Variants in ADCY3 observed in about 807,000 individuals in gnomAD.
ADCY3 encodes adenylate cyclase 3.
In ADCY3, 70 loss-of-function variants were observed where a neutral mutation model predicts 119.4. The observed-to-expected ratio is 0.59, with a 90% CI of 0.48 to 0.72. ADCY3 has a LOEUF of 0.72. Among genes scored for constraint, ADCY3 ranks in the 30% least tolerant of loss-of-function variants. The pLI is 0.00. For missense variants in ADCY3, 1,238 were observed against 1,541.6 expected, an observed-to-expected ratio of 0.80 and a Z score of 3.30; for synonymous variants, 672 against 621.4, an observed-to-expected ratio of 1.08 and a Z score of -1.21.
intron 20 of ADCY3, 199 bp from the exon 21 acceptor site, chr2:24,821,047 ACC>A (rs3214642): frequency 3.1e-4 from 163 of 532,712 alleles, no homozygotes; most frequent in South Asian, 1.4e-3. Flanking sequence ...GTCAGCCGCC[ACC>A]CCCCCCCCAT....
intron 2 of ADCY3, among the ~76,000 whole-genome samples, chr2:24,905,905 G>A (rs993480680): frequency 4.6e-5 from 7 of 152,200 alleles, no homozygotes; most frequent in African/African-American, 1.4e-4. Flanking sequence ...GAATGACTGT[G>A]ACGCCAGTGC....
intron 8 of ADCY3, 68 bp downstream of exon 8, chr2:24,838,374 TCTC>T: frequency 1.4e-6 from 2 of 1,387,374 alleles, no homozygotes; most frequent in Admixed American, 4.7e-5. Flanking sequence ...CTTTCCTTAA[TCTC>T]CTCCTTTCCA....
At chr2:24,847,517 C>A (rs1386258475) in intron 3 of ADCY3, among the ~76,000 whole-genome samples, 1 of 152,166 alleles carries the variant, frequency 6.6e-6, no homozygotes, top group Non-Finnish European at 1.5e-5. Context: ...CCTGGCTCCA[C>A]CGAAGCCTGG....
intron 2 of ADCY3, among the ~76,000 whole-genome samples, chr2:24,900,344 CA>C (rs112576208): frequency 0.18 from 12,585 of 70,558 alleles, 639 homozygotes; most frequent in African/African-American, 0.21. Context: ...GACTCTGTCT[CA>C]AAAAAAAAAA....
At chr2:24,895,708 C>T (rs1180896272) in intron 2 of ADCY3, among the ~76,000 whole-genome samples, 2 of 151,786 alleles carry the variant, frequency 1.3e-5, no homozygotes, top group African/African-American at 4.8e-5. Context: ...CTCAACACAA[C>T]CTATGCCGTT....
intron 3 of ADCY3, among the ~76,000 whole-genome samples, chr2:24,866,582 A>AAG (rs1553350421): frequency 1.3e-5 from 2 of 150,308 alleles, no homozygotes; most frequent in Non-Finnish European, 3.0e-5. Context: ...AAAAAAAAAA[A>AAG]AAAGAAAAAA....
At chr2:24,891,897 A>G (rs1427845842) in intron 2 of ADCY3, among the ~76,000 whole-genome samples, 1 of 152,212 alleles carries the variant, frequency 6.6e-6, no homozygotes, top group Non-Finnish European at 1.5e-5. Context: ...ATAGATACGT[A>G]TATATAGGAA....
At chr2:24,825,335 GGGGGGGGGGGGGGTGC>G (rs1183506681) in intron 16 of ADCY3, among the ~76,000 whole-genome samples, 2 of 10,158 alleles carry the variant, frequency 2.0e-4, no homozygotes, top group Non-Finnish European at 5.1e-4. Flanking sequence ...TGGTTGTGGC[GGGGGGGGGGGGGGTGC>G]GGGGGGGGTG....
rs566028154 is a variant in ADCY3 at position 24,892,581 on chromosome 2, T to C, written c.676-19862A>G. On this transcript the variant is annotated intron_variant, in intron 2 of 21. Transcript: ENST00000679454. ...GTATTGAGTCTTGTTTTGTAACAGG[T>C]TGTGTGTCTTTGAGAACATTTCAGT... Among the ~76,000 whole-genome samples the C allele has an allele frequency of 3.9e-5, 6 of 152,158 alleles. No homozygotes were observed. In the South Asian group the frequency reaches 1.2e-3, roughly 32 times the overall value.
intron 2 of ADCY3, among the ~76,000 whole-genome samples, chr2:24,902,196 TCA>T (rs1418188171): frequency 6.6e-6 from 1 of 151,106 alleles, no homozygotes; most frequent in Non-Finnish European, 1.5e-5. Flanking sequence ...TCCTCCTGCC[TCA>T]GTCTCCCTAG....
chr2:24,876,914 C>T (rs1487978598), intron 2 of ADCY3, among the ~76,000 whole-genome samples: 2 of 152,192 alleles, frequency 1.3e-5, no homozygotes, highest in East Asian at 1.9e-4. Flanking sequence ...CTCCAAGGTA[C>T]GAGTGAGAAG....
rs988201996 is a variant in ADCY3 at position 24,893,128 on chromosome 2, G to T, written c.676-20409C>A. On this transcript the variant is annotated intron_variant, in intron 2 of 21. Coordinates refer to ENST00000679454, the MANE Select transcript of ADCY3 (RefSeq NM_004036.5). ...AGCTCACTGCAGCCTCAGACTCCTG[G>T]ACTCAAGCCATCCTCTTGCCTCAGC... Among the ~76,000 whole-genome samples the T allele has an allele frequency of 2.0e-5, 3 of 151,242 alleles. No individual in the cohort carries two copies. In the South Asian group the frequency reaches 6.3e-4, roughly 32 times the overall value.
At chr2:24,821,047 AC>A (rs3214642) in intron 20 of ADCY3, 199 bp from the exon 21 acceptor site, 88,790 of 479,892 alleles carry the variant, frequency 0.19, 694 homozygotes, top group East Asian at 0.27. Context: ...GTCAGCCGCC[AC>A]CCCCCCCCCA....
chr2:24,824,769 A>T (rs1441856535), intron 16 of ADCY3, among the ~76,000 whole-genome samples: 1 of 152,156 alleles, frequency 6.6e-6, no homozygotes, highest in Non-Finnish European at 1.5e-5. Flanking sequence ...GGCACCTGTA[A>T]TCCCAGCTAC....
intron 2 of ADCY3, among the ~76,000 whole-genome samples, chr2:24,911,643 A>ACACACACACACACAC (rs1333739960): frequency 1.7e-5 from 1 of 60,004 alleles, no homozygotes; most frequent in African/African-American, 5.6e-5. Flanking sequence ...GACTCAAAAA[A>ACACACACACACACAC]AAAAAAAAAA....
rs1049196013 is a variant in ADCY3, at chr2:24,878,486, A to C, written c.676-5767T>G. Among the ~76,000 whole-genome samples the C allele has an allele frequency of 7.9e-5, 12 of 152,290 alleles. No homozygotes were observed. Among genetic ancestry groups the C allele is most frequent in the Admixed American group, 7.2e-4 (11 of 15,306 alleles). On this transcript the variant is annotated intron_variant, in intron 2 of 21. Coordinates refer to ENST00000679454, the MANE Select transcript of ADCY3 (RefSeq NM_004036.5). This position sits in a 1 kb window ranked among gnomAD's most constrained non-coding sequence, Gnocchi z 4.0. ...AGAACACTCTGGAACTGTGGAGAAG[A>C]AGCTGAGCAAGAGAAAGCTGCTCAG...
At chr2:24,827,434 C>G (rs1668778628) in intron 15 of ADCY3, 112 bp downstream of exon 15, 3 of 1,165,008 alleles carry the variant, frequency 2.6e-6, no homozygotes, top group Admixed American at 4.0e-5. Context: ...CTGCACGTAT[C>G]AGGTCACGTG....
intron 2 of ADCY3, among the ~76,000 whole-genome samples, chr2:24,915,593 T>G (rs1236571568): frequency 2.0e-5 from 3 of 152,138 alleles, no homozygotes. Flanking sequence ...CAGGCTGGAG[T>G]GCAGTGGTGC....
Position 24,841,524 on chromosome 2 carries a change from C to A in ADCY3, c.1068+32G>T. Reference sequence around the variant, plus strand: ...AGGCAGAGGCCATGAGGGCAGGCCCCGCTGGAGAGCCAGGCGGGGCCAGGG... The same window carrying A: ...AGGCAGAGGCCATGAGGGCAGGCCCAGCTGGAGAGCCAGGCGGGGCCAGGG... On this transcript the variant is annotated intron_variant, in intron 5 of 21. Coordinates refer to ENST00000679454, the MANE Select transcript of ADCY3 (RefSeq NM_004036.5). This position sits in a 1 kb window ranked among gnomAD's most constrained non-coding sequence, Gnocchi z 5.8. 1 of 1,603,848 alleles carries A rather than the reference C, an allele frequency of 6.2e-7. No individual in the cohort carries two copies. The highest frequency in any genetic ancestry group is 8.5e-7 in the Non-Finnish European group (1 of 1,174,526).
Sources: gnomAD v4.1 joint callset for allele counts (sites outside exome capture counted in the v4.1 genomes callset) on GRCh38, gnomAD v4.1.1 for gene constraint, Gnocchi (gnomAD v3.1) non-coding constraint, MANE v1.5 for transcripts, NCBI Gene and HGNC (gene_info 2026-07-23, HGNC 2026-07-21) for gene names.